TBC1D22A: variants seen among roughly 807,000 people sequenced by gnomAD.
TBC1D22A encodes the protein TBC1 domain family member 22A.
In TBC1D22A, 38 loss-of-function variants were observed where a neutral mutation model predicts 60.2. That is an observed-to-expected ratio of 0.63 (90% CI 0.49 to 0.83). The LOEUF (loss-of-function observed/expected upper bound fraction) is 0.83. TBC1D22A is among the 40% of genes least tolerant of loss of function. The probability of loss-of-function intolerance (pLI) is 0.00; values close to 1 mark genes in which losing one functional copy is unlikely to be tolerated. For synonymous variants in TBC1D22A, 302 were observed against 281.7 expected (o/e 1.07, Z -0.72); for missense variants, 628 against 701.0 (o/e 0.90, Z 1.18).
chr22:46,882,404 C>T (rs1033537969), intron 5 of TBC1D22A, among the ~76,000 whole-genome samples: 5 of 152,246 alleles, frequency 3.3e-5, no homozygotes, highest in South Asian at 2.1e-4. Context: ...GGGGTTCTCA[C>T]GTGTGCCCAG....
chr22:46,819,507 G>A (rs533527594), intron 4 of TBC1D22A, among the ~76,000 whole-genome samples: 1 of 152,250 alleles, frequency 6.6e-6, no homozygotes, highest in South Asian at 2.1e-4. Flanking sequence ...GTGGTTTTTT[G>A]TCATTGGTTC....
intron 8 of TBC1D22A, among the ~76,000 whole-genome samples, chr22:46,946,401 C>A (rs1486429614): frequency 2.6e-5 from 4 of 152,208 alleles, no homozygotes; most frequent in Non-Finnish European, 5.9e-5. Flanking sequence ...CCTGCTCCCC[C>A]TTGTTCCTTC....
rs1317111596 is a variant in TBC1D22A at position 46,843,080 on chromosome 22, G to A, written c.638-35573G>A. 3.9e-5 allele frequency among the ~76,000 whole-genome samples: 6 copies of A among 152,268 alleles called. No homozygotes were observed. The South Asian group carries it at 6.2e-4, about 16-fold the overall frequency. ...GTGGGAAATGGATTTAGTTCCATGC[G>A]TTCAGCTGGGTGGCCGGATTTCAGG... On this transcript the variant is annotated intron_variant, in intron 4 of 12. Coordinates refer to ENST00000337137, the MANE Select transcript of TBC1D22A (RefSeq NM_014346.5).
At chr22:46,916,043 G>A (rs551884658) in intron 8 of TBC1D22A, 13 of 430,366 alleles carry the variant, frequency 3.0e-5, no homozygotes, top group African/African-American at 1.4e-4. Context: ...ATCATCCCCC[G>A]AGGATGAGGA....
At chr22:46,774,191 A>G in intron 1 of TBC1D22A, 4 of 985,550 alleles carry the variant, frequency 4.1e-6, no homozygotes, top group Non-Finnish European at 4.8e-6. Context: ...GCTGGGGGAA[A>G]ACCAGGCTTG....
chr22:46,956,307 C>G (rs2073186392), intron 8 of TBC1D22A, among the ~76,000 whole-genome samples: 1 of 152,146 alleles, frequency 6.6e-6, no homozygotes, highest in African/African-American at 2.4e-5. Flanking sequence ...GATGTGGGGC[C>G]AGGCACAGTG....
chr22:47,005,561 A>C (rs1041664466), intron 10 of TBC1D22A, among the ~76,000 whole-genome samples: 1 of 151,078 alleles, frequency 6.6e-6, no homozygotes, highest in African/African-American at 2.4e-5. Flanking sequence ...CTACACACAT[A>C]TGCATATAAA....
chr22:47,096,902 C>G (rs1311051750), intron 11 of TBC1D22A, among the ~76,000 whole-genome samples: 1 of 152,252 alleles, frequency 6.6e-6, no homozygotes, highest in Admixed American at 6.5e-5. Flanking sequence ...CTTTCTCCCC[C>G]ACCCTCAGTT....
intron 1 of TBC1D22A, among the ~76,000 whole-genome samples, chr22:46,785,708 TTCTTTGGTAATTA>T (rs2084131322): frequency 6.6e-6 from 1 of 152,220 alleles, no homozygotes; most frequent in Non-Finnish European, 1.5e-5. Flanking sequence ...TAATGTGCAT[TTCTTTGGTAATTA>T]TCTTCTTTCA....
At chr22:46,804,450 A>T (rs1370466353) in intron 4 of TBC1D22A, among the ~76,000 whole-genome samples, 1 of 152,172 alleles carries the variant, frequency 6.6e-6, no homozygotes, top group Non-Finnish European at 1.5e-5. Flanking sequence ...ATCAGTTCTT[A>T]CCAGTTTTTC....
chr22:46,912,649 C>T (rs545848023), intron 8 of TBC1D22A, among the ~76,000 whole-genome samples: 3 of 152,282 alleles, frequency 2.0e-5, no homozygotes, highest in Admixed American at 6.5e-5. Flanking sequence ...CTCTGCCTCC[C>T]GGGTTCAAGT....
chr22:46,974,619 G>C (rs1373076618), intron 9 of TBC1D22A, among the ~76,000 whole-genome samples: 1 of 152,250 alleles, frequency 6.6e-6, no homozygotes, highest in Non-Finnish European at 1.5e-5. Flanking sequence ...GTCCTGCTGA[G>C]GGCCCAGTGG....
intron 4 of TBC1D22A, among the ~76,000 whole-genome samples, chr22:46,873,928 C>A (rs558436354): frequency 6.6e-6 from 1 of 152,254 alleles, no homozygotes; most frequent in Admixed American, 6.5e-5. Context: ...TCCTGAGTAG[C>A]TGGGATTACA....
At chr22:47,129,714 A>T (rs1057464703) in intron 12 of TBC1D22A, among the ~76,000 whole-genome samples, 1 of 152,188 alleles carries the variant, frequency 6.6e-6, no homozygotes. Flanking sequence ...ACACCTTTTT[A>T]AAAAACAAAA....
At chr22:46,993,158 G>A (rs1241370798) in intron 9 of TBC1D22A, among the ~76,000 whole-genome samples, 5 of 152,180 alleles carry the variant, frequency 3.3e-5, no homozygotes, top group Admixed American at 6.5e-5. Context: ...TTTATATTTC[G>A]ACTCTTCTCT....
At chr22:46,974,677 C>A (rs773677535) in intron 9 of TBC1D22A, among the ~76,000 whole-genome samples, 1 of 152,232 alleles carries the variant, frequency 6.6e-6, no homozygotes, top group Non-Finnish European at 1.5e-5. Flanking sequence ...AGACTGTAGC[C>A]ACCACCACCA....
At chr22:46,771,598 ATT>A (rs537408036) in intron 1 of TBC1D22A, among the ~76,000 whole-genome samples, 9 of 139,302 alleles carry the variant, frequency 6.5e-5, no homozygotes, top group Non-Finnish European at 6.3e-5. Context: ...CCTACTTACT[ATT>A]TTTTTTTTTT....
At chr22:46,837,286 A>G (rs2086565588) in intron 4 of TBC1D22A, among the ~76,000 whole-genome samples, 1 of 152,228 alleles carries the variant, frequency 6.6e-6, no homozygotes, top group Non-Finnish European at 1.5e-5. Context: ...AAATAGCAAT[A>G]CAATAATAAT....
intron 10 of TBC1D22A, among the ~76,000 whole-genome samples, chr22:47,014,879 G>A (rs2061859884): frequency 1.3e-5 from 2 of 152,218 alleles, no homozygotes; most frequent in Admixed American, 6.5e-5. Flanking sequence ...GCCTCTTGAT[G>A]TCCTTGGGAC....
Sources: gnomAD v4.1 joint callset for allele counts (sites outside exome capture counted in the v4.1 genomes callset) on GRCh38, gnomAD v4.1.1 for gene constraint, MANE v1.5 for transcripts, NCBI Gene and HGNC (gene_info 2026-07-23, HGNC 2026-07-21) for gene names.